The following RNF180 variants were observed in gnomAD, a reference collection of about 807,000 sequenced individuals.
RNF180 encodes ring finger protein 180.
A neutral mutation model predicts 59.2 loss-of-function variants in RNF180; 38 were observed. The ratio of observed to expected loss-of-function variants is 0.64; its 90% confidence interval spans 0.50 to 0.84. RNF180 has a LOEUF of 0.84. Among genes scored for constraint, RNF180 ranks in the 40% least tolerant of loss-of-function variants. The pLI is 0.00. For missense variants in RNF180, 705 were observed against 700.9 expected, an observed-to-expected ratio of 1.01 and a Z score of -0.07; for synonymous variants, 262 against 240.3, an observed-to-expected ratio of 1.09 and a Z score of -0.84.
At chr5:64,318,847 A>G (rs1181694743) in intron 5 of RNF180, among the ~76,000 whole-genome samples, 1 of 152,190 alleles carries the variant, frequency 6.6e-6, no homozygotes, top group East Asian at 1.9e-4. Context: ...ATGCCCAAGA[A>G]AAAACAAACT....
At chr5:64,364,494 T>C in intron 7 of RNF180, among the ~76,000 whole-genome samples, 1 of 151,798 alleles carries the variant, frequency 6.6e-6, no homozygotes, top group East Asian at 1.9e-4. Context: ...TTGTGGATTT[T>C]TGCATCGATG....
chr5:64,306,835 G>C (rs1258633427), intron 5 of RNF180, among the ~76,000 whole-genome samples: 2 of 150,546 alleles, frequency 1.3e-5, no homozygotes, highest in African/African-American at 2.4e-5. Flanking sequence ...GGGGTGGGGG[G>C]AGGAGGGAGG....
chr5:64,246,250 A>C (rs932187786), intron 5 of RNF180, among the ~76,000 whole-genome samples: 2 of 152,294 alleles, frequency 1.3e-5, no homozygotes, highest in Admixed American at 1.3e-4. Flanking sequence ...GCAGAAGACG[A>C]GTAATAACTA....
chr5:64,294,374 C>T (rs1580196769), intron 5 of RNF180, among the ~76,000 whole-genome samples: 1 of 152,216 alleles, frequency 6.6e-6, no homozygotes, highest in South Asian at 2.1e-4. Context: ...CTGCTATATA[C>T]ACACAAAAGT....
chr5:64,367,982 A>G (rs573240567), intron 7 of RNF180, among the ~76,000 whole-genome samples: 114 of 151,876 alleles, frequency 7.5e-4, no homozygotes, highest in African/African-American at 2.6e-3. Flanking sequence ...CAAAAAAAAC[A>G]AGTTGCTATT....
intron 1 of RNF180, among the ~76,000 whole-genome samples, chr5:64,193,773 G>A (rs533151283): frequency 1.1e-4 from 16 of 152,092 alleles, no homozygotes; most frequent in African/African-American, 3.9e-4. Context: ...TCCCTGTATG[G>A]GCAATGGTGG....
chr5:64,360,256 CAATATA>C (rs1475772944), intron 7 of RNF180, among the ~76,000 whole-genome samples: 3 of 150,490 alleles, frequency 2.0e-5, no homozygotes, highest in Admixed American at 6.7e-5. Flanking sequence ...ATTGATTCTT[CAATATA>C]CGCAAATCAA....
chr5:64,257,796 C>CT (rs1322019599), intron 5 of RNF180, among the ~76,000 whole-genome samples: 1 of 152,042 alleles, frequency 6.6e-6, no homozygotes, highest in Non-Finnish European at 1.5e-5. Flanking sequence ...TAATGGGAGA[C>CT]TTTAACACCC....
chr5:64,342,964 C>A (rs762049729), intron 7 of RNF180, among the ~76,000 whole-genome samples: 1 of 152,080 alleles, frequency 6.6e-6, no homozygotes, highest in Non-Finnish European at 1.5e-5. Flanking sequence ...AAACCCAACC[C>A]TGCTTATTAA....
At chr5:64,259,792 A>C (rs948113835) in intron 5 of RNF180, among the ~76,000 whole-genome samples, 2 of 151,920 alleles carry the variant, frequency 1.3e-5, no homozygotes, top group Non-Finnish European at 2.9e-5. Flanking sequence ...GTGGTGGTGC[A>C]TGCCTATAAT....
chr5:64,196,536 T>C (rs1751466737), intron 1 of RNF180, among the ~76,000 whole-genome samples: 1 of 152,122 alleles, frequency 6.6e-6, no homozygotes, highest in South Asian at 2.1e-4. Flanking sequence ...TTTATTTCGG[T>C]ATATTGAATA....
intron 5 of RNF180, among the ~76,000 whole-genome samples, chr5:64,244,842 A>G (rs1479567004): frequency 6.6e-6 from 1 of 152,212 alleles, no homozygotes; most frequent in East Asian, 1.9e-4. Context: ...CCAGAGAGAA[A>G]GGTCGGGTTA....
chr5:64,213,513 C>T (rs770388333), intron 3 of RNF180, 45 bp from the exon 4 acceptor site: 1 of 1,528,480 alleles, frequency 6.5e-7, no homozygotes, highest in Non-Finnish European at 8.8e-7. Flanking sequence ...TCTTCAGTTA[C>T]TTTATAATGA....
chr5:64,207,330 G>A (rs961806051), intron 2 of RNF180, among the ~76,000 whole-genome samples: 1 of 152,128 alleles, frequency 6.6e-6, no homozygotes. Context: ...GAAGTGACCT[G>A]TGTAGAGATA....
chr5:64,278,216 A>C (rs1353571017), intron 5 of RNF180, among the ~76,000 whole-genome samples: 1 of 152,204 alleles, frequency 6.6e-6, no homozygotes, highest in Non-Finnish European at 1.5e-5. Context: ...CAGGGCCTGC[A>C]CTTTTAACGT....
chr5:64,370,330 C>G lies in RNF180; in HGVS notation c.*516C>G, dbSNP rs1410964540. ...TAATTGTCACTACTTATATCCCTTT[C>G]TAGTACCAAGAAAACTGACTATTCT... On this transcript the variant is annotated 3_prime_UTR_variant, in exon 8 of 8. Transcript: ENST00000389100. 4.6e-5 allele frequency: 7 copies of G among 151,846 alleles called. No individual in the cohort carries two copies. The highest frequency in any genetic ancestry group is 1.7e-4 in the African/African-American group (7 of 41,372). 9.4% of individuals were successfully genotyped at this position (151,846 alleles called of 1,614,324 possible). A position where few individuals can be genotyped will look rare whatever the true frequency, so the allele number is the denominator to read the frequency against.
At chr5:64,182,581 A>C (rs1750657916) in intron 1 of RNF180, among the ~76,000 whole-genome samples, 1 of 152,230 alleles carries the variant, frequency 6.6e-6, no homozygotes, top group African/African-American at 2.4e-5. Flanking sequence ...TCTTTATCTT[A>C]GCGTAAGATC....
chr5:64,305,213 G>T (rs540108040), intron 5 of RNF180, among the ~76,000 whole-genome samples: 10 of 151,428 alleles, frequency 6.6e-5, no homozygotes, highest in Middle Eastern at 3.2e-3. Flanking sequence ...TACTAAACCC[G>T]CAGTGTCTCC....
rs3069547 is a variant in RNF180, at chr5:64,301,701, A to ATGTGTGTGTGTGTGTGTGTGTGTGTGTG, written c.1228-23462_1228-23461insGTGTGTGTGTGTGTGTGTGTGTGTGTGT. Among the ~76,000 whole-genome samples, 56 of 148,602 alleles carry ATGTGTGTGTGTGTGTGTGTGTGTGTGTG rather than the reference A, an allele frequency of 3.8e-4. 1 individual carries two copies. The highest frequency in any genetic ancestry group is 1.4e-3 in the African/African-American group (56 of 40,622). The stretch of plus-strand genomic sequence containing the variant: ...TATATTTGTTGTATGCCACATCAGA[A>ATGTGTGTGTGTGTGTGTGTGTGTGTGTG]TGTGTGTGTGTGTGTGTGTGTGTAT... On this transcript the variant is annotated intron_variant, in intron 5 of 7. Coordinates refer to ENST00000389100, the MANE Select transcript of RNF180 (RefSeq NM_001113561.2).
Sources: allele counts gnomAD v4.1 joint callset (sites outside exome capture counted in the v4.1 genomes callset), GRCh38; gene constraint gnomAD v4.1.1; transcripts MANE v1.5; gene names NCBI Gene and HGNC (gene_info 2026-07-23, HGNC 2026-07-21).